Variants in FANCB observed in about 807,000 individuals in gnomAD.
FANCB encodes FA complementation group B, also known as Fanconi anemia group B protein.
Under a neutral mutation model 38.9 loss-of-function variants are expected in FANCB, and 5 were observed. The observed-to-expected ratio is 0.13, with a 90% CI of 0.07 to 0.27. FANCB has a LOEUF of 0.27. Among genes scored for constraint, FANCB ranks in the 10% least tolerant of loss-of-function variants. The pLI is 1.00. For synonymous variants in FANCB, 236 were observed against 215.4 expected, an observed-to-expected ratio of 1.10 and a Z score of -0.84; for missense variants, 573 against 602.7, an observed-to-expected ratio of 0.95 and a Z score of 0.52.
chrX:14,758,796 G>A, the FANCB span, among the ~76,000 whole-genome samples: 3 of 111,299 alleles, frequency 2.7e-5, no homozygotes, highest in Admixed American at 2.9e-4. Context: ...AGACAATTCT[G>A]GTAATATGAC....
intron 7 of FANCB, among the ~76,000 whole-genome samples, chrX:14,848,290 C>CT (rs757949789): frequency 8.9e-6 from 1 of 112,206 alleles, no homozygotes; most frequent in East Asian, 2.8e-4. Flanking sequence ...TCCAGAGAGC[C>CT]TATGAATGGA....
At chrX:14,792,409 C>T in the FANCB span, among the ~76,000 whole-genome samples, 7 of 110,525 alleles carry the variant, frequency 6.3e-5, no homozygotes, top group South Asian at 3.9e-4. Context: ...TGTCCCTCCT[C>T]GAAGTGAAGC....
intron 7 of FANCB, among the ~76,000 whole-genome samples, chrX:14,846,970 T>C (rs2092379551): frequency 9.0e-6 from 1 of 110,558 alleles, no homozygotes; most frequent in Non-Finnish European, 1.9e-5. Flanking sequence ...TTTGACCATT[T>C]ACTGGGGGAA....
At chrX:14,847,016 C>A (rs1207835708) in intron 7 of FANCB, among the ~76,000 whole-genome samples, 1 of 109,555 alleles carries the variant, frequency 9.1e-6, no homozygotes, top group Non-Finnish European at 1.9e-5. Context: ...TATATAAGTT[C>A]TTATTTTTTA....
At chrX:14,856,687 G>A (rs1166488933) in intron 5 of FANCB, among the ~76,000 whole-genome samples, 2 of 111,301 alleles carry the variant, frequency 1.8e-5, no homozygotes, top group African/African-American at 6.5e-5. Flanking sequence ...CCAACCCTAG[G>A]CAAAGAAGAA....
chrX:14,866,668 T>C (rs2147451539), intron 2 of FANCB, among the ~76,000 whole-genome samples: 1 of 111,912 alleles, frequency 8.9e-6, no homozygotes, highest in South Asian at 3.7e-4. Flanking sequence ...TGAACACATG[T>C]ATAAAAAAAA....
chrX:14,699,817 C>T, the FANCB span, among the ~76,000 whole-genome samples: 1 of 111,708 alleles, frequency 9.0e-6, no homozygotes, highest in Admixed American at 9.5e-5. Context: ...AGTGAGATCA[C>T]GTCCTTTGCA....
the FANCB span, among the ~76,000 whole-genome samples, chrX:14,746,574 C>A: frequency 8.9e-6 from 1 of 112,021 alleles, no homozygotes; most frequent in Non-Finnish European, 1.9e-5. Flanking sequence ...ATCATTTGAA[C>A]AAAGGAGAAT....
chrX:14,743,097 A>G, the FANCB span, among the ~76,000 whole-genome samples: 1 of 112,002 alleles, frequency 8.9e-6, no homozygotes. Context: ...TTCAGTGCAT[A>G]ATAACCATCA....
chrX:14,812,166 T>C, the FANCB span, among the ~76,000 whole-genome samples: 33 of 108,772 alleles, frequency 3.0e-4, no homozygotes, highest in Non-Finnish European at 5.9e-4. Context: ...TTCAAAGCAG[T>C]GTGTAGAGGG....
At chrX:14,872,213 TA>T (rs1247414187) in intron 1 of FANCB, among the ~76,000 whole-genome samples, 1 of 111,562 alleles carries the variant, frequency 9.0e-6, no homozygotes, top group Non-Finnish European at 1.9e-5. Flanking sequence ...TTTTTTCCCA[TA>T]AAAAATGTAA....
intron 6 of FANCB, among the ~76,000 whole-genome samples, chrX:14,852,688 A>AT (rs748499580): frequency 1.8e-5 from 2 of 112,220 alleles, no homozygotes; most frequent in African/African-American, 6.5e-5. Context: ...AGTATATTCT[A>AT]TTTAAGTCAG....
At chrX:14,780,926 T>C in the FANCB span, among the ~76,000 whole-genome samples, 1 of 110,269 alleles carries the variant, frequency 9.1e-6, no homozygotes, top group South Asian at 3.7e-4. Context: ...TCCCAATTTT[T>C]TCCCCAAAGC....
chrX:14,721,537 A>C, the FANCB span, among the ~76,000 whole-genome samples: 1 of 111,251 alleles, frequency 9.0e-6, no homozygotes, highest in Non-Finnish European at 1.9e-5. Flanking sequence ...TTTAGAGGAG[A>C]CAATCTGTAA....
At chrX:14,743,116 A>G in the FANCB span, among the ~76,000 whole-genome samples, 3 of 112,001 alleles carry the variant, frequency 2.7e-5, no homozygotes, top group African/African-American at 6.5e-5. Context: ...CATCAAAACC[A>G]TAAGTAGCAA....
At chrX:14,750,000 G>A in the FANCB span, among the ~76,000 whole-genome samples, 3 of 112,061 alleles carry the variant, frequency 2.7e-5, no homozygotes, top group Admixed American at 1.9e-4. Flanking sequence ...TTTACAAAGA[G>A]CAAAGAGTTT....
intron 2 of FANCB, 132 bp downstream of exon 2, chrX:14,868,791 C>T (rs189605981): frequency 8.9e-6 from 1 of 112,170 alleles, no homozygotes; most frequent in East Asian, 2.8e-4. Flanking sequence ...GAAGGATACA[C>T]TAAATACTCT....
the FANCB span, among the ~76,000 whole-genome samples, chrX:14,782,384 G>C: frequency 6.3e-5 from 7 of 111,824 alleles, no homozygotes; most frequent in African/African-American, 2.3e-4. Context: ...AAGTCCTTAG[G>C]TATCCTCTTA....
the FANCB span, among the ~76,000 whole-genome samples, chrX:14,786,370 C>G: frequency 1.8e-5 from 2 of 110,727 alleles, no homozygotes; most frequent in Non-Finnish European, 3.8e-5. Context: ...TGAAAAAAGC[C>G]TTGTCTCAGC....
Sources: gnomAD v4.1 joint callset for allele counts (sites outside exome capture counted in the v4.1 genomes callset) on GRCh38, gnomAD v4.1.1 for gene constraint, MANE v1.5 for transcripts, NCBI Gene and HGNC (gene_info 2026-07-23, HGNC 2026-07-21) for gene names.